The following PDE11A variants were observed in gnomAD, a reference collection of about 807,000 sequenced individuals.
The protein encoded by PDE11A is phosphodiesterase 11A.
A neutral mutation model predicts 100.5 loss-of-function variants in PDE11A; 100 were observed. The observed-to-expected ratio is 1.00, with a 90% CI of 0.85 to 1.18. The LOEUF is 1.18. PDE11A is among the 50% of genes most tolerant of loss of function. The pLI, the probability that PDE11A is intolerant of heterozygous loss-of-function variation, is 0.00. For synonymous variants in PDE11A, 381 were observed against 420.8 expected (o/e 0.91, Z 1.16); for missense variants, 1,141 against 1,152.6 (o/e 0.99, Z 0.15).
chr2:177,715,012 C>A (rs1270177928), intron 12 of PDE11A, among the ~76,000 whole-genome samples: 4 of 152,212 alleles, frequency 2.6e-5, no homozygotes, highest in Non-Finnish European at 2.9e-5. Context: ...CTCCTGCAGC[C>A]CATGCCTTTC....
At chr2:178,084,119 T>C (rs1042647884) in intron 2 of PDE11A, among the ~76,000 whole-genome samples, 1 of 152,242 alleles carries the variant, frequency 6.6e-6, no homozygotes, top group Non-Finnish European at 1.5e-5. Flanking sequence ...TAGTGTATTA[T>C]AGCTATCCCT....
At chr2:177,834,164 G>A (rs1026046906) in intron 6 of PDE11A, among the ~76,000 whole-genome samples, 4 of 152,060 alleles carry the variant, frequency 2.6e-5, no homozygotes, top group Non-Finnish European at 5.9e-5. Context: ...ATTCTTCCTG[G>A]TCATGAGACA....
intron 2 of PDE11A, among the ~76,000 whole-genome samples, chr2:177,957,013 G>A (rs2105786705): frequency 6.6e-6 from 1 of 151,346 alleles, no homozygotes. Flanking sequence ...TAACAAACCT[G>A]CACATTGTGT....
At chr2:177,856,916 G>C (rs146191165) in intron 5 of PDE11A, among the ~76,000 whole-genome samples, 11 of 151,760 alleles carry the variant, frequency 7.2e-5, no homozygotes, top group African/African-American at 2.7e-4. Flanking sequence ...TCCCATACTT[G>C]ATTGAAATAA....
chr2:177,918,077 A>G (rs1409568878), intron 2 of PDE11A, among the ~76,000 whole-genome samples: 1 of 152,258 alleles, frequency 6.6e-6, no homozygotes, highest in African/African-American at 2.4e-5. Context: ...AGCCTTGAAG[A>G]CAAAAAGAGC....
chr2:177,695,037 C>T (rs541066001), intron 15 of PDE11A, among the ~76,000 whole-genome samples: 1 of 149,584 alleles, frequency 6.7e-6, no homozygotes, highest in South Asian at 2.1e-4. Flanking sequence ...TCTTTCCTAT[C>T]GGATGCTGAA....
chr2:178,038,508 T>C (rs1025779246), intron 1 of PDE11A, among the ~76,000 whole-genome samples: 1 of 151,978 alleles, frequency 6.6e-6, no homozygotes, highest in Admixed American at 6.6e-5. Flanking sequence ...GTTCAGAATA[T>C]ATATGTATAT....
intron 2 of PDE11A, among the ~76,000 whole-genome samples, chr2:178,010,209 C>G (rs2086259664): frequency 6.6e-6 from 1 of 152,192 alleles, no homozygotes; most frequent in African/African-American, 2.4e-5. Flanking sequence ...AAGACTTGAA[C>G]CTGCTTTGGA....
intron 4 of PDE11A, among the ~76,000 whole-genome samples, chr2:177,886,867 G>A (rs1243190246): frequency 6.6e-6 from 1 of 152,098 alleles, no homozygotes; most frequent in Non-Finnish European, 1.5e-5. Context: ...GAAAAGGAGA[G>A]GGAAAGGGAG....
At chr2:177,741,798 C>A (rs1448385675) in intron 10 of PDE11A, among the ~76,000 whole-genome samples, 1 of 152,204 alleles carries the variant, frequency 6.6e-6, no homozygotes, top group Non-Finnish European at 1.5e-5. Flanking sequence ...AATCCCAACA[C>A]TTTGGAAGGC....
intron 9 of PDE11A, among the ~76,000 whole-genome samples, chr2:177,806,463 G>C (rs1236788807): frequency 1.3e-5 from 2 of 152,132 alleles, no homozygotes; most frequent in Non-Finnish European, 2.9e-5. Flanking sequence ...TTTATGATCA[G>C]CCTCTCATTC....
chr2:177,856,338 C>T (rs372061832), intron 5 of PDE11A, among the ~76,000 whole-genome samples: 2 of 151,996 alleles, frequency 1.3e-5, no homozygotes, highest in African/African-American at 4.8e-5. Context: ...TCCAGAGTTT[C>T]CACATTACAT....
rs1271921305 is a variant in PDE11A, at chr2:177,866,750, C to T, written c.1367+9109G>A. Among the ~76,000 whole-genome samples, 3 of 152,314 alleles carry T rather than the reference C, an allele frequency of 2.0e-5. No individual in the cohort carries two copies. In the East Asian group the frequency reaches 5.8e-4, roughly 29 times the overall value. On this transcript the variant is annotated intron_variant, in intron 5 of 19. Transcript: ENST00000286063. Reference sequence around the variant, plus strand: ...ATAAACAAACTACTCTCCAAGGTGCCTAATTCGAAGGATAATATATGTATT... The same window carrying T: ...ATAAACAAACTACTCTCCAAGGTGCTTAATTCGAAGGATAATATATGTATT...
chr2:178,071,333 G>A (rs1183762674), intron 1 of PDE11A, among the ~76,000 whole-genome samples, 193 bp downstream of exon 1: 1 of 152,130 alleles, frequency 6.6e-6, no homozygotes, highest in East Asian at 1.9e-4. Flanking sequence ...CAAGCCATTG[G>A]GTGTTAAGAA....
At chr2:177,864,194 T>C (rs1055211605) in intron 5 of PDE11A, among the ~76,000 whole-genome samples, 4 of 152,026 alleles carry the variant, frequency 2.6e-5, no homozygotes, top group African/African-American at 4.8e-5. Context: ...CTAGGGGTAG[T>C]AGTCAGTGGG....
At chr2:177,682,434 T>C (rs2080879472) in intron 15 of PDE11A, among the ~76,000 whole-genome samples, 1 of 152,250 alleles carries the variant, frequency 6.6e-6, no homozygotes, top group Non-Finnish European at 1.5e-5. Context: ...CTAAATTGAT[T>C]AAGTCCTGTC....
At chr2:177,960,394 C>A (rs887034158) in intron 2 of PDE11A, among the ~76,000 whole-genome samples, 1 of 151,798 alleles carries the variant, frequency 6.6e-6, no homozygotes, top group Non-Finnish European at 1.5e-5. Context: ...TCAACTACAT[C>A]GTAGAATTAA....
Position 178,072,706 on chromosome 2 carries a change from G to A in PDE11A, c.-269C>T, listed in dbSNP as rs2087154151. 3 of 1,391,606 alleles carry A rather than the reference G, an allele frequency of 2.2e-6. No homozygotes were observed. Among genetic ancestry groups the A allele is most frequent in the Non-Finnish European group, 1.9e-6 (2 of 1,072,526 alleles). The allele number at this position is 1,391,606 out of a possible 1,614,324, so 86.2% of individuals were successfully genotyped here. A position where few individuals can be genotyped will look rare whatever the true frequency, so the allele number is the denominator to read the frequency against. ...AGCTGCCGCCGCTGCCCCGGCTCCTGTTCCGGAAACCCGAGCTATCGCTGC... is the reference window on the plus strand; with the variant it reads ...AGCTGCCGCCGCTGCCCCGGCTCCTATTCCGGAAACCCGAGCTATCGCTGC... On this transcript the variant is annotated 5_prime_UTR_variant, in exon 1 of 20. Coordinates refer to ENST00000286063, the MANE Select transcript of PDE11A (RefSeq NM_016953.4).
chr2:177,842,585 T>C (rs898422341), intron 5 of PDE11A, among the ~76,000 whole-genome samples: 5 of 152,138 alleles, frequency 3.3e-5, no homozygotes, highest in South Asian at 2.1e-4. Context: ...TGGTTTAAGA[T>C]GTGATTTTAG....
Sources: gnomAD v4.1 joint callset for allele counts (sites outside exome capture counted in the v4.1 genomes callset) on GRCh38, gnomAD v4.1.1 for gene constraint, MANE v1.5 for transcripts, NCBI Gene and HGNC (gene_info 2026-07-23, HGNC 2026-07-21) for gene names.